Variants in SMC1A observed in about 807,000 individuals in gnomAD.
SMC1A encodes the protein structural maintenance of chromosomes protein 1A.
SMC1A carries 4 observed loss-of-function variants against 94.5 expected under a neutral mutation model. That is an observed-to-expected ratio of 0.04 (90% CI 0.02 to 0.10). The LOEUF is 0.10. Among genes scored for constraint, SMC1A ranks in the 10% least tolerant of loss-of-function variants. The pLI, the probability that SMC1A is intolerant of heterozygous loss-of-function variation, is 1.00. For synonymous variants in SMC1A, 345 were observed against 347.7 expected, an observed-to-expected ratio of 0.99 and a Z score of 0.09; for missense variants, 304 against 989.0, an observed-to-expected ratio of 0.31 and a Z score of 9.29.
rs2075591954 is a variant in SMC1A, at chrX:53,383,239, C to T, written c.2988G>A (p.Glu996=). Residue 996 remains glutamate (E), a synonymous_variant, in exon 20 of 25, where the codon GAG becomes GAA. Transcript: ENST00000322213. ...TGTTCATCTCTTGCTTGATCTCTTC[C>T]TCAGCCTGGGCATCCTGTAAGCCCC... is the stretch of plus-strand genomic sequence containing the variant. ...LCEDLKDAQA[E]EEIKQEMNTL... 2.6e-6 allele frequency: 3 copies of T among 1,173,971 alleles called. No individual in the cohort carries two copies. The highest frequency in any genetic ancestry group is 3.4e-6 in the Non-Finnish European group (3 of 875,808).
intron 19 of SMC1A, among the ~76,000 whole-genome samples, chrX:53,394,324 C>T (rs1458141719): frequency 1.8e-5 from 2 of 109,846 alleles, no homozygotes; most frequent in African/African-American, 3.3e-5. Context: ...GGGAGGAAGG[C>T]TAGGGCTTGA....
chrX:53,422,398 G>C, intron 1 of SMC1A, 94 bp downstream of exon 1: 1 of 636,085 alleles, frequency 1.6e-6, no homozygotes, highest in African/African-American at 2.1e-5. Flanking sequence ...GGTCCGCGAC[G>C]TTTCAGGTTA....
intron 19 of SMC1A, among the ~76,000 whole-genome samples, chrX:53,390,040 G>A (rs2075621814): frequency 9.6e-6 from 1 of 104,653 alleles, no homozygotes; most frequent in African/African-American, 3.5e-5. Context: ...TAGTAGAGAC[G>A]GGGTTTCACC....
In SMC1A at chrX:53,375,077, G is replaced by T. The variant is rs2075555189; in HGVS notation, c.*5026C>A. On this transcript the variant is annotated 3_prime_UTR_variant, in exon 25 of 25. Transcript: ENST00000322213. Reference sequence around the variant, plus strand: ...CATCTAGCTATCTGTGGCCAGGATTGTGAGGTCACATGGTACAGAGCATGG... The same window carrying T: ...CATCTAGCTATCTGTGGCCAGGATTTTGAGGTCACATGGTACAGAGCATGG... 1 of 112,670 alleles carries T rather than the reference G, an allele frequency of 8.9e-6. No individual in the cohort carries two copies. Among genetic ancestry groups the T allele is most frequent in the African/African-American group, 3.2e-5 (1 of 31,005 alleles). 9.3% of individuals were successfully genotyped at this position (112,670 alleles called of 1,213,427 possible).
intron 19 of SMC1A, among the ~76,000 whole-genome samples, chrX:53,394,302 T>C (rs1308561965): frequency 1.8e-5 from 2 of 108,903 alleles, no homozygotes; most frequent in Non-Finnish European, 3.8e-5. Context: ...ACTGAGGAGA[T>C]GGGTAAATAT....
intron 19 of SMC1A, among the ~76,000 whole-genome samples, chrX:53,390,403 G>A (rs1020670724): frequency 9.4e-6 from 1 of 106,949 alleles, no homozygotes; most frequent in African/African-American, 3.4e-5. Flanking sequence ...CAAGAGAATC[G>A]CTTGAACCTG....
intron 19 of SMC1A, among the ~76,000 whole-genome samples, chrX:53,385,144 G>A (rs1390791577): frequency 9.2e-6 from 1 of 109,225 alleles, no homozygotes; most frequent in Non-Finnish European, 1.9e-5. Flanking sequence ...TCCTGAGAAA[G>A]GTGAGGTACC....
chrX:53,419,542 T>C (rs369950142), intron 1 of SMC1A, among the ~76,000 whole-genome samples: 2 of 100,242 alleles, frequency 2.0e-5, no homozygotes, highest in South Asian at 8.7e-4. Flanking sequence ...AAAAAAAAAA[T>C]AGGCCAGGCG....
rs1556885472 is a variant in SMC1A, at chrX:53,378,391, T to C, written c.*1712A>G. On this transcript the variant is annotated 3_prime_UTR_variant, in exon 25 of 25. Coordinates refer to ENST00000322213, the MANE Select transcript of SMC1A (RefSeq NM_006306.4). ...CTATACAGCAATTACAGAAGATGGA[T>C]TGAGCTACATTAAGTAACATGCACA... 8.9e-6 allele frequency: 1 copy of C among 112,629 alleles called. No individual in the cohort carries two copies. The highest frequency in any genetic ancestry group is 3.2e-5 in the African/African-American group (1 of 31,032). 9.3% of individuals were successfully genotyped at this position (112,629 alleles called of 1,213,427 possible).
chrX:53,401,381 C>T (rs782002094), intron 15 of SMC1A, among the ~76,000 whole-genome samples: 2 of 112,440 alleles, frequency 1.8e-5, no homozygotes, highest in South Asian at 3.6e-4. Context: ...GACATACACA[C>T]ATGCATTCCT....
At chrX:53,422,371 G>A (rs970364854) in intron 1 of SMC1A, 121 bp downstream of exon 1, 13 of 543,777 alleles carry the variant, frequency 2.4e-5, no homozygotes, top group Admixed American at 1.8e-4. Flanking sequence ...CCTCTGGACG[G>A]GCAAGGAACC....
At chrX:53,395,821 A>G (rs782261949) in intron 18 of SMC1A, among the ~76,000 whole-genome samples, 14 of 110,967 alleles carry the variant, frequency 1.3e-4, no homozygotes, top group African/African-American at 4.6e-4. Context: ...CAGCTAAGCT[A>G]TCACCCTCAG....
Position 53,377,974 on chromosome X carries a change from T to C in SMC1A, c.*2129A>G, listed in dbSNP as rs368386816. On this transcript the variant is annotated 3_prime_UTR_variant, in exon 25 of 25. Coordinates refer to ENST00000322213, the MANE Select transcript of SMC1A (RefSeq NM_006306.4). Reference sequence around the variant, plus strand: ...TTCTTTGGTTGAAAACAGACAAATTTATTTTGTTTTGATAGTTATGTCTTT... The same window carrying C: ...TTCTTTGGTTGAAAACAGACAAATTCATTTTGTTTTGATAGTTATGTCTTT... 8 of 112,053 alleles carry C rather than the reference T, an allele frequency of 7.1e-5. No individual in the cohort carries two copies. The highest frequency in any genetic ancestry group is 2.3e-4 in the African/African-American group (7 of 30,766). The allele number at this position is 112,053 out of a possible 1,213,427, so 9.2% of individuals were successfully genotyped here. A position where few individuals can be genotyped will look rare whatever the true frequency, so the allele number is the denominator to read the frequency against.
chrX:53,387,053 C>T (rs185769663), intron 19 of SMC1A, among the ~76,000 whole-genome samples: 32 of 112,189 alleles, frequency 2.9e-4, no homozygotes, highest in Non-Finnish European at 5.8e-4. Flanking sequence ...TGGAGTGCAG[C>T]GGTGCGACCT....
chrX:53,420,999 G>A (rs1175419441), intron 1 of SMC1A, among the ~76,000 whole-genome samples: 1 of 111,558 alleles, frequency 9.0e-6, no homozygotes, highest in East Asian at 2.8e-4. Context: ...GGCTTGTAGA[G>A]GTGGGCCTTG....
chrX:53,409,051 T>C lies in SMC1A; in HGVS notation c.1545+11A>G. On this transcript the variant is annotated intron_variant, in intron 9 of 24. Transcript: ENST00000322213. ...AAGTGCTCAGGAAATGAGTTCCCTCTCTGCTCTTACCACAGAGCCAGGGTA... is the reference window on the plus strand; with the variant it reads ...AAGTGCTCAGGAAATGAGTTCCCTCCCTGCTCTTACCACAGAGCCAGGGTA... 5 of 1,204,028 alleles carry C rather than the reference T, an allele frequency of 4.2e-6. No homozygotes were observed. Among genetic ancestry groups the C allele is most frequent in the Non-Finnish European group, 5.6e-6 (5 of 888,987 alleles).
chrX:53,397,181 C>A (rs1056206493), intron 16 of SMC1A, among the ~76,000 whole-genome samples: 1 of 110,944 alleles, frequency 9.0e-6, no homozygotes, highest in Non-Finnish European at 1.9e-5. Flanking sequence ...TCTGGCAAGA[C>A]GAAGGGGACT....
intron 18 of SMC1A, 136 bp downstream of exon 18, chrX:53,396,091 C>A: frequency 1.3e-6 from 1 of 753,707 alleles, no homozygotes; most frequent in Admixed American, 2.3e-5. Context: ...CTCATTTCTG[C>A]TGCATCCCTT....
chrX:53,379,705 G>T lies in SMC1A; in HGVS notation c.*398C>A, dbSNP rs1219242409. 1 of 170,824 alleles carries T rather than the reference G, an allele frequency of 5.9e-6. No homozygotes were observed. Among genetic ancestry groups the T allele is most frequent in the Non-Finnish European group, 1.1e-5 (1 of 90,628 alleles). The allele number at this position is 170,824 out of a possible 1,213,427, so 14.1% of individuals were successfully genotyped here. A position where few individuals can be genotyped will look rare whatever the true frequency, so the allele number is the denominator to read the frequency against. ...TCAGCCTAGGCTCCTTCTAAAACAG[G>T]TCTCCAATATCCTTTATTATTTTGC... On this transcript the variant is annotated 3_prime_UTR_variant, in exon 25 of 25. Coordinates refer to ENST00000322213, the MANE Select transcript of SMC1A (RefSeq NM_006306.4).
Sources: gnomAD v4.1 joint callset for allele counts (sites outside exome capture counted in the v4.1 genomes callset) on GRCh38, gnomAD v4.1.1 for gene constraint, MANE v1.5 for transcripts, NCBI Gene and HGNC (gene_info 2026-07-23, HGNC 2026-07-21) for gene names.